TAFA2: variants seen among roughly 807,000 people sequenced by gnomAD.
TAFA2 encodes chemokine-like protein TAFA-2.
A neutral mutation model predicts 18.8 loss-of-function variants in TAFA2; 7 were observed. That is an observed-to-expected ratio of 0.37 (90% CI 0.21 to 0.70). The LOEUF (loss-of-function observed/expected upper bound fraction) is 0.70. Among genes scored for constraint, TAFA2 ranks in the 30% least tolerant of loss-of-function variants. The probability of loss-of-function intolerance (pLI) is 0.53; values close to 1 mark genes in which losing one functional copy is unlikely to be tolerated. For missense variants in TAFA2, 122 were observed against 158.1 expected (o/e 0.77, Z 1.23); for synonymous variants, 60 against 54.2 (o/e 1.11, Z -0.47).
At chr12:61,717,447 C>A (rs549574475) in intron 4 of TAFA2, among the ~76,000 whole-genome samples, 1 of 152,088 alleles carries the variant, frequency 6.6e-6, no homozygotes, top group Admixed American at 6.5e-5. Context: ...ACCTGAAAAC[C>A]ATTGTATTTT....
At chr12:61,897,413 A>G (rs1441020532) in intron 1 of TAFA2, among the ~76,000 whole-genome samples, 5 of 152,072 alleles carry the variant, frequency 3.3e-5, no homozygotes, top group Non-Finnish European at 5.9e-5. Flanking sequence ...AGAACTGCCC[A>G]AGACTGAGTA....
chr12:61,827,761 C>A (rs1872578985), intron 2 of TAFA2, among the ~76,000 whole-genome samples: 1 of 151,752 alleles, frequency 6.6e-6, no homozygotes, highest in East Asian at 1.9e-4. Context: ...ATCAATAGAC[C>A]ATAGAAACAT....
intron 1 of TAFA2, among the ~76,000 whole-genome samples, chr12:61,988,577 G>T (rs895506423): frequency 3.9e-5 from 6 of 152,126 alleles, no homozygotes; most frequent in Non-Finnish European, 7.3e-5. Flanking sequence ...TTTATTGAAA[G>T]CACCTACTAT....
chr12:62,228,398 A>G (rs2062797332), intron 1 of TAFA2, among the ~76,000 whole-genome samples: 1 of 152,192 alleles, frequency 6.6e-6, no homozygotes, highest in Non-Finnish European at 1.5e-5. Flanking sequence ...GTGGGTATAT[A>G]CCTAGTAATG....
At chr12:62,184,906 A>G (rs1377893583) in intron 1 of TAFA2, among the ~76,000 whole-genome samples, 3 of 152,146 alleles carry the variant, frequency 2.0e-5, no homozygotes, top group Non-Finnish European at 4.4e-5. Context: ...CCACATGGTT[A>G]TTTATTGTTA....
chr12:62,057,220 T>G (rs577586913), intron 1 of TAFA2, among the ~76,000 whole-genome samples: 1 of 152,208 alleles, frequency 6.6e-6, no homozygotes, highest in African/African-American at 2.4e-5. Flanking sequence ...TTTTCAAAAT[T>G]TTCCCCCTTT....
intron 1 of TAFA2, among the ~76,000 whole-genome samples, chr12:62,094,748 A>AT (rs914150393): frequency 7.0e-6 from 1 of 143,732 alleles, no homozygotes; most frequent in African/African-American, 2.6e-5. Flanking sequence ...CATTTTACAC[A>AT]TAAAAAAAAT....
At chr12:61,765,419 A>T (rs1461946670) in intron 2 of TAFA2, among the ~76,000 whole-genome samples, 1 of 152,094 alleles carries the variant, frequency 6.6e-6, no homozygotes, top group Non-Finnish European at 1.5e-5. Flanking sequence ...AATGATTTTG[A>T]TGTATATCTG....
intron 1 of TAFA2, among the ~76,000 whole-genome samples, chr12:62,011,044 T>C (rs1162179188): frequency 3.6e-5 from 5 of 140,364 alleles, no homozygotes; most frequent in Admixed American, 3.6e-4. Flanking sequence ...ATCTGGGAGG[T>C]GGGGGGCGTC....
At chr12:61,934,309 C>A (rs1453385870) in intron 1 of TAFA2, among the ~76,000 whole-genome samples, 1 of 152,174 alleles carries the variant, frequency 6.6e-6, no homozygotes, top group East Asian at 1.9e-4. Flanking sequence ...AGTCTGCCCA[C>A]AAAGTCCCCA....
chr12:62,118,755 G>C (rs1870070192), intron 1 of TAFA2, among the ~76,000 whole-genome samples: 2 of 151,938 alleles, frequency 1.3e-5, no homozygotes, highest in African/African-American at 4.8e-5. Context: ...TCATATGTTT[G>C]TTAGTCATAT....
chr12:62,222,696 A>T (rs1228498621), intron 1 of TAFA2, among the ~76,000 whole-genome samples: 37 of 140,764 alleles, frequency 2.6e-4, no homozygotes, highest in Admixed American at 2.1e-3. Flanking sequence ...TTTTATTTTT[A>T]GTAGAGATGG....
At chr12:61,880,799 A>C (rs1875094698) in intron 1 of TAFA2, 6 of 309,724 alleles carry the variant, frequency 1.9e-5, no homozygotes, top group Admixed American at 3.6e-5. Context: ...CTCCCACCCT[A>C]CTCCCCCCTG....
chr12:62,163,733 G>A (rs750379801), intron 1 of TAFA2, among the ~76,000 whole-genome samples: 2 of 151,946 alleles, frequency 1.3e-5, no homozygotes, highest in African/African-American at 2.4e-5. Context: ...TTTAAATATG[G>A]CAAATATATC....
intron 4 of TAFA2, among the ~76,000 whole-genome samples, chr12:61,740,617 C>T (rs1272997712): frequency 6.6e-5 from 10 of 151,814 alleles, no homozygotes; most frequent in East Asian, 1.9e-4. Context: ...ACACTAAAAG[C>T]CCAGACTTCA....
At chr12:61,824,909 C>CAT in intron 2 of TAFA2, among the ~76,000 whole-genome samples, 1 of 152,118 alleles carries the variant, frequency 6.6e-6, no homozygotes, top group Admixed American at 6.6e-5. Flanking sequence ...CTTAAAGGAT[C>CAT]ACAGTTTCAG....
At chr12:62,201,176 TATCTGCAAAC>T (rs1320198882) in intron 1 of TAFA2, among the ~76,000 whole-genome samples, 1 of 152,302 alleles carries the variant, frequency 6.6e-6, no homozygotes, top group East Asian at 1.9e-4. Flanking sequence ...AGGATCATGT[TATCTGCAAAC>T]AGAGACAGTT....
At chr12:61,897,226 G>T (rs1157111153) in intron 1 of TAFA2, among the ~76,000 whole-genome samples, 1 of 152,126 alleles carries the variant, frequency 6.6e-6, no homozygotes, top group Non-Finnish European at 1.5e-5. Flanking sequence ...ACAAAATGAT[G>T]CTGACTGTAC....
At chr12:62,041,102 T>C (rs1341044719) in intron 1 of TAFA2, among the ~76,000 whole-genome samples, 1 of 152,154 alleles carries the variant, frequency 6.6e-6, no homozygotes, top group Non-Finnish European at 1.5e-5. Context: ...ATTGTTCATA[T>C]CAGAAACTAA....
Sources: gnomAD v4.1 joint callset for allele counts (sites outside exome capture counted in the v4.1 genomes callset) on GRCh38, gnomAD v4.1.1 for gene constraint, MANE v1.5 for transcripts, NCBI Gene and HGNC (gene_info 2026-07-23, HGNC 2026-07-21) for gene names.